NBEAL1: variants seen among roughly 807,000 people sequenced by gnomAD.
The protein encoded by NBEAL1 is neurobeachin like 1.
Under a neutral mutation model 351.3 loss-of-function variants are expected in NBEAL1, and 273 were observed. The ratio of observed to expected loss-of-function variants is 0.78; its 90% CI spans 0.70 to 0.86. The LOEUF (loss-of-function observed/expected upper bound fraction) is 0.86. Ranked by LOEUF, NBEAL1 falls within the 40% of genes least tolerant of loss-of-function variation. The pLI, the probability that NBEAL1 is intolerant of heterozygous loss-of-function variation, is 0.00. For missense variants in NBEAL1, 2,961 were observed against 3,201.3 expected, an observed-to-expected ratio of 0.92 and a Z score of 1.81; for synonymous variants, 1,050 against 1,086.4, an observed-to-expected ratio of 0.97 and a Z score of 0.66.
intron 35 of NBEAL1, among the ~76,000 whole-genome samples, chr2:203,152,789 C>A (rs570986806): frequency 1.3e-5 from 2 of 152,112 alleles, no homozygotes; most frequent in African/African-American, 2.4e-5. Flanking sequence ...GTAATCCCAG[C>A]ATTTTGGGAG....
At position 203,201,653 on chromosome 2, in the gene NBEAL1, A is replaced by G. The variant is rs370273596; in HGVS notation, c.7349A>G (p.Asn2450Ser). Residue 2450 changes from asparagine (N) to serine (S), a missense_variant, in exon 50 of 56, where the codon AAT becomes AGT. Coordinates refer to ENST00000683969, the MANE Select transcript of NBEAL1 (RefSeq NM_001378026.1). ...CTCTTCAGTGCTGGATACTGGGATA[A>G]TAGCATTCAAGTGATGTCACTTACA... ...KLLFSAGYWD[N>S]SIQVMSLTKG... 4.9e-5 allele frequency: 79 copies of G among 1,611,820 alleles called. No individual in the cohort carries two copies. The highest frequency in any genetic ancestry group is 6.4e-5 in the Non-Finnish European group (76 of 1,178,698).
intron 47 of NBEAL1, among the ~76,000 whole-genome samples, chr2:203,194,205 T>A (rs536518141): frequency 3.9e-5 from 6 of 152,176 alleles, no homozygotes; most frequent in Non-Finnish European, 5.9e-5. Flanking sequence ...CGAGATGATA[T>A]GTAGATGGAG....
intron 2 of NBEAL1, among the ~76,000 whole-genome samples, chr2:203,030,845 T>C (rs1485028008): frequency 6.6e-6 from 1 of 152,160 alleles, no homozygotes; most frequent in Non-Finnish European, 1.5e-5. Context: ...AGGCCCTGTC[T>C]CTACAAAAAA....
intron 41 of NBEAL1, among the ~76,000 whole-genome samples, chr2:203,173,733 A>G (rs896500112): frequency 6.6e-6 from 1 of 152,136 alleles, no homozygotes; most frequent in African/African-American, 2.4e-5. Flanking sequence ...GGAAACACTC[A>G]TATAAATAAC....
In NBEAL1 at chr2:203,221,991, C is replaced by T. The variant is rs1196091525; in HGVS notation, c.*4637C>T. Among the ~76,000 whole-genome samples the T allele has an allele frequency of 1.3e-5, 2 of 152,052 alleles. No homozygotes were observed. Among genetic ancestry groups the T allele is most frequent in the Non-Finnish European group, 2.9e-5 (2 of 68,000 alleles). Reference sequence around the variant, plus strand: ...ATCACTGGAGCCTAGGAGCTCAAGACCAGCCTGGGCAGCATAGTGGGCTCC... The same window carrying T: ...ATCACTGGAGCCTAGGAGCTCAAGATCAGCCTGGGCAGCATAGTGGGCTCC... On this transcript the variant is annotated 3_prime_UTR_variant, in exon 56 of 56. Coordinates refer to ENST00000683969, the MANE Select transcript of NBEAL1 (RefSeq NM_001378026.1).
chr2:203,128,593 A>G (rs1174085507), intron 24 of NBEAL1, among the ~76,000 whole-genome samples: 1 of 105,220 alleles, frequency 9.5e-6, no homozygotes, highest in Non-Finnish European at 1.9e-5. Context: ...TAGTGGGTAG[A>G]TTTCTTTCTT....
At chr2:203,131,947 G>A (rs2063083184) in intron 25 of NBEAL1, 26 bp from the exon 26 acceptor site, 2 of 1,455,940 alleles carry the variant, frequency 1.4e-6, no homozygotes, top group South Asian at 1.4e-5. Context: ...TTTCTATATT[G>A]AGAATATATT....
chr2:203,175,928 T>C (rs1575086460), intron 42 of NBEAL1, among the ~76,000 whole-genome samples: 1 of 152,174 alleles, frequency 6.6e-6, no homozygotes, highest in East Asian at 1.9e-4. Context: ...TCTCTTTCCA[T>C]GTAGCTTTTA....
chr2:203,112,945 T>A (rs2062605804), intron 16 of NBEAL1, 70 bp from the exon 17 acceptor site: 1 of 1,277,378 alleles, frequency 7.8e-7, no homozygotes, highest in Non-Finnish European at 1.0e-6. Flanking sequence ...ACTATTTTAT[T>A]GTGTAATTTT....
chr2:203,154,767 T>C (rs1421260089), intron 35 of NBEAL1, among the ~76,000 whole-genome samples: 1 of 151,910 alleles, frequency 6.6e-6, no homozygotes, highest in Non-Finnish European at 1.5e-5. Flanking sequence ...GGCAACATAG[T>C]GATACCCCAT....
intron 49 of NBEAL1, among the ~76,000 whole-genome samples, chr2:203,200,293 A>T (rs2065358558): frequency 6.6e-6 from 1 of 152,172 alleles, no homozygotes; most frequent in South Asian, 2.1e-4. Flanking sequence ...CAGGCGGATC[A>T]CGAGGTCAGG....
chr2:203,051,795 A>G (rs2061328278), intron 4 of NBEAL1, among the ~76,000 whole-genome samples: 1 of 152,192 alleles, frequency 6.6e-6, no homozygotes, highest in African/African-American at 2.4e-5. Context: ...TGATAAATTT[A>G]ATGTTCAATA....
At position 203,110,147 on chromosome 2, in the gene NBEAL1, T is replaced by G; in HGVS notation, c.1950-3T>G. 1.3e-6 allele frequency: 2 copies of G among 1,544,892 alleles called. No homozygotes were observed. The highest frequency in any genetic ancestry group is 2.8e-5 in the African/African-American group (2 of 72,664). On this transcript the variant is annotated splice_polypyrimidine_tract_variant and splice_region_variant and intron_variant, in intron 14 of 55. Transcript: ENST00000683969. ...AAGTTCTGATAATACGTATTTTTTT[T>G]AGTTTTTTTACAGGAAGTGGCATGG...
chr2:203,100,062 C>A (rs2062278924), intron 12 of NBEAL1, among the ~76,000 whole-genome samples: 2 of 152,118 alleles, frequency 1.3e-5, no homozygotes, highest in South Asian at 4.2e-4. Flanking sequence ...CACATTGTTG[C>A]AAAGGATATG....
Position 203,126,643 on chromosome 2 carries a change from C to T in NBEAL1, c.3072C>T (p.Leu1024=). Residue 1024 remains leucine, a synonymous_variant, in exon 22 of 56, where the codon CTC becomes CTT. Transcript: ENST00000683969. ...TATCATTAGAGAAAAATATGCAGCTCCTGCAACAAATGTATCAATATTTAC... is the reference window on the plus strand; with the variant it reads ...TATCATTAGAGAAAAATATGCAGCTTCTGCAACAAATGTATCAATATTTAC... ...EQVSLEKNMQ[L]LQQMYQYLLF... The T allele has an allele frequency of 6.5e-7, 1 of 1,529,778 alleles. No individual in the cohort carries two copies. Among genetic ancestry groups the T allele is most frequent in the South Asian group, 1.3e-5 (1 of 79,042 alleles). 94.8% of individuals were successfully genotyped at this position (1,529,778 alleles called of 1,614,324 possible). A position where few individuals can be genotyped will look rare whatever the true frequency, so the allele number is the denominator to read the frequency against.
At chr2:203,199,254 C>G in intron 48 of NBEAL1, 84 bp from the exon 49 acceptor site, 1 of 731,546 alleles carries the variant, frequency 1.4e-6, no homozygotes, top group Non-Finnish European at 2.4e-6. Flanking sequence ...GTGATAAATG[C>G]CAATGTCATG....
chr2:203,109,044 A>G (rs188797645), intron 14 of NBEAL1, among the ~76,000 whole-genome samples: 1 of 152,318 alleles, frequency 6.6e-6, no homozygotes, highest in East Asian at 1.9e-4. Flanking sequence ...TGTCTCACAC[A>G]CACAGAAAAA....
chr2:203,027,122 C>A (rs2060871905), intron 2 of NBEAL1, among the ~76,000 whole-genome samples: 1 of 152,130 alleles, frequency 6.6e-6, no homozygotes, highest in South Asian at 2.1e-4. Context: ...ATATAGGGAA[C>A]TATGTAGACT....
intron 12 of NBEAL1, among the ~76,000 whole-genome samples, chr2:203,103,559 A>C (rs1298556480): frequency 2.6e-5 from 4 of 152,136 alleles, no homozygotes; most frequent in Non-Finnish European, 5.9e-5. Flanking sequence ...GATGTGAGCC[A>C]TTGTGCCCGG....
Sources: allele counts gnomAD v4.1 joint callset (sites outside exome capture counted in the v4.1 genomes callset), GRCh38; gene constraint gnomAD v4.1.1; transcripts MANE v1.5; gene names NCBI Gene and HGNC (gene_info 2026-07-23, HGNC 2026-07-21).